SLC8A1: variants seen among roughly 807,000 people sequenced by gnomAD.
SLC8A1 encodes sodium/calcium exchanger 1.
SLC8A1 carries 18 observed loss-of-function variants against 68.3 expected under a neutral mutation model. The observed-to-expected ratio is 0.26, with a 90% CI of 0.18 to 0.39. The LOEUF (loss-of-function observed/expected upper bound fraction) is 0.39, where lower values mean the gene tolerates loss of function less well. Ranked by LOEUF, SLC8A1 falls within the 10% of genes least tolerant of loss-of-function variation. SLC8A1 has a pLI of 1.00. For synonymous variants in SLC8A1, 475 were observed against 415.5 expected (o/e 1.14, Z -1.74); for missense variants, 985 against 1,156.7 (o/e 0.85, Z 2.15).
intron 2 of SLC8A1, among the ~76,000 whole-genome samples, chr2:40,212,285 T>TTTTTTTTTG (rs2056742980): frequency 7.0e-6 from 1 of 143,294 alleles, no homozygotes; most frequent in African/African-American, 2.6e-5. Context: ...TGCAATATCT[T>TTTTTTTTTG]TTTTTTTTTT....
intron 1 of SLC8A1, among the ~76,000 whole-genome samples, chr2:40,434,766 AAC>A (rs1423687826): frequency 2.6e-5 from 4 of 152,166 alleles, no homozygotes; most frequent in African/African-American, 9.7e-5. Flanking sequence ...ATTTTAAAAC[AAC>A]ACACAACCCA....
chr2:40,214,435 CTTTTTTT>C (rs34050040), intron 2 of SLC8A1, among the ~76,000 whole-genome samples: 1 of 141,398 alleles, frequency 7.1e-6, no homozygotes, highest in East Asian at 2.0e-4. Flanking sequence ...TGTACACTAT[CTTTTTTT>C]TTTTTTTTCC....
Position 40,431,494 on chromosome 2 carries a change from A to G in SLC8A1, c.-24-1190T>C, listed in dbSNP as rs545346406. Among the ~76,000 whole-genome samples the G allele has an allele frequency of 1.4e-4, 22 of 152,180 alleles. No homozygotes were observed. The South Asian group carries it at 3.7e-3, about 26-fold the overall frequency. On this transcript the variant is annotated intron_variant, in intron 1 of 7. Transcript: ENST00000406785. ...AGTGGACTCAACCACCATGGCCTTAAGTCCACCCACCAGCTCAAGCAAAAC... is the reference window on the plus strand; with the variant it reads ...AGTGGACTCAACCACCATGGCCTTAGGTCCACCCACCAGCTCAAGCAAAAC...
chr2:40,193,982 G>C (rs1050320936), intron 2 of SLC8A1, among the ~76,000 whole-genome samples: 1 of 152,110 alleles, frequency 6.6e-6, no homozygotes, highest in Non-Finnish European at 1.5e-5. Flanking sequence ...CTGTGGGTTA[G>C]AGAAAACAAG....
intron 2 of SLC8A1, among the ~76,000 whole-genome samples, chr2:40,193,845 C>A (rs1558693695): frequency 6.6e-6 from 1 of 152,044 alleles, no homozygotes; most frequent in Non-Finnish European, 1.5e-5. Context: ...AGCCAGGTAC[C>A]CCTCCAGCAG....
At chr2:40,368,516 G>C (rs1676974600) in intron 2 of SLC8A1, among the ~76,000 whole-genome samples, 1 of 151,724 alleles carries the variant, frequency 6.6e-6, no homozygotes, top group Non-Finnish European at 1.5e-5. Context: ...TACAAGAATT[G>C]GGATTTACTG....
chr2:40,348,966 T>C (rs1670215508), intron 2 of SLC8A1, among the ~76,000 whole-genome samples: 1 of 152,130 alleles, frequency 6.6e-6, no homozygotes. Context: ...ATTTCTTAAT[T>C]TCGTGGTGCC....
chr2:40,181,059 A>C (rs1380857316), intron 2 of SLC8A1, among the ~76,000 whole-genome samples: 3 of 152,142 alleles, frequency 2.0e-5, no homozygotes, highest in African/African-American at 7.2e-5. Flanking sequence ...TCCCAGGTTC[A>C]AGCGATTCCC....
chr2:40,378,230 A>C (rs1680568407), intron 2 of SLC8A1, among the ~76,000 whole-genome samples: 1 of 152,146 alleles, frequency 6.6e-6, no homozygotes, highest in Non-Finnish European at 1.5e-5. Flanking sequence ...ATATGGAAGG[A>C]CATGGGAGCT....
chr2:40,338,045 G>C (rs1666536997), intron 2 of SLC8A1, among the ~76,000 whole-genome samples: 1 of 151,988 alleles, frequency 6.6e-6, no homozygotes, highest in East Asian at 1.9e-4. Context: ...GAAATAATGA[G>C]GGTCTGAAAG....
chr2:40,438,804 A>T (rs775363218), intron 1 of SLC8A1, among the ~76,000 whole-genome samples: 1 of 152,126 alleles, frequency 6.6e-6, no homozygotes, highest in Non-Finnish European at 1.5e-5. Context: ...CCAAATTTGA[A>T]TTTTAACAAC....
intron 2 of SLC8A1, among the ~76,000 whole-genome samples, chr2:40,195,466 T>A (rs1165668413): frequency 6.6e-6 from 1 of 151,962 alleles, no homozygotes; most frequent in Non-Finnish European, 1.5e-5. Context: ...TGTGGAGAAC[T>A]GGAGGAAAGG....
intron 2 of SLC8A1, among the ~76,000 whole-genome samples, chr2:40,179,506 G>A (rs886874935): frequency 6.6e-6 from 1 of 152,072 alleles, no homozygotes; most frequent in Non-Finnish European, 1.5e-5. Context: ...AATTAATAAG[G>A]GCTTAAACAA....
intron 2 of SLC8A1, among the ~76,000 whole-genome samples, chr2:40,285,288 C>T (rs2149205639): frequency 6.6e-6 from 1 of 152,250 alleles, no homozygotes; most frequent in East Asian, 1.9e-4. Context: ...CAGACGTTCT[C>T]TTTAACCCTT....
chr2:40,430,335 A>G lies in SLC8A1; in HGVS notation c.-24-31T>C, dbSNP rs188360250. The G allele has an allele frequency of 1.0e-5, 16 of 1,533,060 alleles. No individual in the cohort carries two copies. In the East Asian group the frequency reaches 3.6e-4, roughly 35 times the overall value. 95.0% of individuals were successfully genotyped at this position (1,533,060 alleles called of 1,614,324 possible). On this transcript the variant is annotated intron_variant, in intron 1 of 7. Transcript: ENST00000406785. ...AAAAATAAGATGGGGGAGAGGGCAG[A>G]AAAAAAGTCATGTCATTAGAGCTGC...
chr2:40,408,402 C>G (rs1691050660), intron 2 of SLC8A1, among the ~76,000 whole-genome samples: 1 of 152,084 alleles, frequency 6.6e-6, no homozygotes, highest in Admixed American at 6.6e-5. Context: ...TTCACACAAA[C>G]AAAGGCCAAT....
chr2:40,299,783 G>C (rs1261303905), intron 2 of SLC8A1, among the ~76,000 whole-genome samples: 1 of 152,094 alleles, frequency 6.6e-6, no homozygotes, highest in East Asian at 1.9e-4. Flanking sequence ...TAATCCCTGG[G>C]CCTTTTTCTA....
At chr2:40,493,401 A>T (rs543070053) in intron 1 of SLC8A1, among the ~76,000 whole-genome samples, 82 of 151,800 alleles carry the variant, frequency 5.4e-4, no homozygotes, top group Non-Finnish European at 1.1e-3. Context: ...GTGCTAAATG[A>T]CGAGTTAGTG....
intron 2 of SLC8A1, among the ~76,000 whole-genome samples, chr2:40,248,698 C>G (rs1339273214): frequency 6.6e-6 from 1 of 152,074 alleles, no homozygotes; most frequent in Non-Finnish European, 1.5e-5. Flanking sequence ...TTCAATTCCC[C>G]TTTCCGTGAT....
Sources: allele counts gnomAD v4.1 joint callset (sites outside exome capture counted in the v4.1 genomes callset), GRCh38; gene constraint gnomAD v4.1.1; transcripts MANE v1.5; gene names NCBI Gene and HGNC (gene_info 2026-07-23, HGNC 2026-07-21).